Variants in KIAA0232 observed in about 807,000 individuals in gnomAD.
The protein encoded by KIAA0232 is KIAA0232.
A neutral mutation model predicts 122.0 loss-of-function variants in KIAA0232; 27 were observed. The ratio of observed to expected loss-of-function variants is 0.22; its 90% CI spans 0.16 to 0.31. KIAA0232 has a LOEUF of 0.31. Among genes scored for constraint, KIAA0232 ranks in the 10% least tolerant of loss-of-function variants. The pLI is 1.00. For synonymous variants in KIAA0232, 613 were observed against 587.6 expected, an observed-to-expected ratio of 1.04 and a Z score of -0.63; for missense variants, 1,551 against 1,634.2, an observed-to-expected ratio of 0.95 and a Z score of 0.88.
At chr4:6,798,425 C>A (rs944380716) in intron 1 of KIAA0232, among the ~76,000 whole-genome samples, 1 of 152,208 alleles carries the variant, frequency 6.6e-6, no homozygotes, top group African/African-American at 2.4e-5. Context: ...CCCACCTTAA[C>A]CTGTGTAGTG....
Position 6,858,639 on chromosome 4 carries a change from C to G in KIAA0232, c.518+133C>G, listed in dbSNP as rs7670487. 2,215 of 591,112 alleles carry G rather than the reference C, an allele frequency of 3.7e-3. 45 individuals carry two copies. The African/African-American group carries it at 0.038, about 10-fold the overall frequency. The allele number at this position is 591,112 out of a possible 1,614,324, so 36.6% of individuals were successfully genotyped here. A position where few individuals can be genotyped will look rare whatever the true frequency, so the allele number is the denominator to read the frequency against. On this transcript the variant is annotated intron_variant, in intron 6 of 9. Coordinates refer to ENST00000307659, the MANE Select transcript of KIAA0232 (RefSeq NM_014743.3). ...TATAATGTAAGAAACATTTATCGAG[C>G]GCTTATATGCTTGACACTGAGAATT...
At chr4:6,788,154 C>T (rs1448218951) in intron 1 of KIAA0232, among the ~76,000 whole-genome samples, 2 of 152,134 alleles carry the variant, frequency 1.3e-5, no homozygotes, top group Non-Finnish European at 2.9e-5. Flanking sequence ...CCTTGGCCTC[C>T]TGAGTAGCTG....
chr4:6,836,752 T>A (rs1329310426), intron 3 of KIAA0232, among the ~76,000 whole-genome samples: 3 of 152,054 alleles, frequency 2.0e-5, no homozygotes, highest in African/African-American at 7.2e-5. Flanking sequence ...TGATGACTCT[T>A]AAGGAGCATG....
chr4:6,819,834 A>C (rs1304280379), intron 2 of KIAA0232, among the ~76,000 whole-genome samples: 1 of 152,192 alleles, frequency 6.6e-6, no homozygotes, highest in African/African-American at 2.4e-5. Context: ...TAGCAAAGAT[A>C]CGGAATCAAC....
intron 3 of KIAA0232, among the ~76,000 whole-genome samples, chr4:6,839,963 T>C (rs940910667): frequency 6.6e-6 from 1 of 152,188 alleles, no homozygotes; most frequent in Non-Finnish European, 1.5e-5. Context: ...AATATATCAG[T>C]GGATTTATTA....
intron 2 of KIAA0232, among the ~76,000 whole-genome samples, chr4:6,823,033 G>T (rs971752639): frequency 5.0e-4 from 75 of 150,206 alleles, no homozygotes; most frequent in African/African-American, 1.6e-3. Flanking sequence ...GTGGTGTTTG[G>T]TTTTTTGTTC....
intron 4 of KIAA0232, among the ~76,000 whole-genome samples, chr4:6,851,377 A>T (rs1030416785): frequency 6.6e-6 from 1 of 152,232 alleles, no homozygotes; most frequent in Non-Finnish European, 1.5e-5. Flanking sequence ...CCATCTCCAT[A>T]TGAAAGTAAG....
chr4:6,851,674 C>G (rs943026736), intron 4 of KIAA0232, among the ~76,000 whole-genome samples: 8 of 146,526 alleles, frequency 5.5e-5, no homozygotes, highest in Non-Finnish European at 1.0e-4. Flanking sequence ...TGTGATCATA[C>G]CACTGCACTC....
intron 2 of KIAA0232, among the ~76,000 whole-genome samples, chr4:6,817,165 G>A (rs2109001740): frequency 6.6e-6 from 1 of 152,224 alleles, no homozygotes; most frequent in Admixed American, 6.5e-5. Flanking sequence ...TTCTAATGTA[G>A]ACAGTGCTCT....
intron 2 of KIAA0232, among the ~76,000 whole-genome samples, chr4:6,817,716 A>G (rs1718202991): frequency 6.6e-6 from 1 of 152,130 alleles, no homozygotes; most frequent in Non-Finnish European, 1.5e-5. Context: ...TTCTCTCTAT[A>G]TCCTTACTGG....
In KIAA0232 at chr4:6,861,507, A is replaced by T. The variant is rs1457759448; in HGVS notation, c.1125A>T (p.Arg375Ser). ...RGKRPLKEIG[R>S]KDPGSTEGKD... ...AGAGACCTTTAAAAGAAATAGGGAG[A>T]AAAGATCCTGGGAGCACTGAAGGAA... is the stretch of plus-strand genomic sequence containing the variant. The change falls in exon 7 of 10, where the codon AGA (arginine) becomes AGT (serine). Residue 375 changes from arginine to serine, a missense_variant. Arg to Ser is a moderately radical substitution (Grantham distance 110). Transcript: ENST00000307659. The T allele has an allele frequency of 6.2e-7, 1 of 1,614,144 alleles. No individual in the cohort carries two copies. Among genetic ancestry groups the T allele is most frequent in the Non-Finnish European group, 8.5e-7 (1 of 1,180,034 alleles).
rs1722054831 is a variant in KIAA0232 at position 6,881,139 on chromosome 4, C to T, written c.*173C>T. 1.7e-5 allele frequency: 8 copies of T among 475,746 alleles called. No homozygotes were observed. Among genetic ancestry groups the T allele is most frequent in the Non-Finnish European group, 2.8e-5 (8 of 287,254 alleles). 29.5% of individuals were successfully genotyped at this position (475,746 alleles called of 1,614,324 possible). A position where few individuals can be genotyped will look rare whatever the true frequency, so the allele number is the denominator to read the frequency against. On this transcript the variant is annotated 3_prime_UTR_variant, in exon 10 of 10. Transcript: ENST00000307659. ...TTATTTTAGAGTTGAGGACAGCTATCCTGTTAAAGATTTTTTTTCCCAGCT... is the reference window on the plus strand; with the variant it reads ...TTATTTTAGAGTTGAGGACAGCTATTCTGTTAAAGATTTTTTTTCCCAGCT...
chr4:6,866,509 G>C (rs1354845737), intron 7 of KIAA0232, among the ~76,000 whole-genome samples: 7 of 152,186 alleles, frequency 4.6e-5, no homozygotes, highest in Non-Finnish European at 1.0e-4. Context: ...ACTAGAACCT[G>C]TATCTTTCTG....
chr4:6,835,888 T>A lies in KIAA0232; in HGVS notation c.232-6179T>A, dbSNP rs562747961. ...TATTATTGATGGACATTTGGGTTGG[T>A]TCCATGTCTTTGCTATTGTGAATAG... On this transcript the variant is annotated intron_variant, in intron 3 of 9. Coordinates refer to ENST00000307659, the MANE Select transcript of KIAA0232 (RefSeq NM_014743.3). 1.1e-4 allele frequency among the ~76,000 whole-genome samples: 16 copies of A among 151,708 alleles called. No individual in the cohort carries two copies. In the East Asian group the frequency reaches 3.1e-3, roughly 29 times the overall value.
chr4:6,864,737 C>CAAA (rs59573520), intron 7 of KIAA0232, among the ~76,000 whole-genome samples: 20,478 of 69,862 alleles, frequency 0.29, 3,879 homozygotes, highest in Non-Finnish European at 0.4. Context: ...GACTCCATCT[C>CAAA]AAAAAAAAAA....
intron 3 of KIAA0232, among the ~76,000 whole-genome samples, chr4:6,840,420 G>C (rs148601327): frequency 6.6e-6 from 1 of 152,166 alleles, no homozygotes; most frequent in Admixed American, 6.5e-5. Flanking sequence ...GTGAGGCAGG[G>C]GCGTATGCTC....
At chr4:6,792,687 T>TTG (rs1309979031) in intron 1 of KIAA0232, among the ~76,000 whole-genome samples, 115 of 124,084 alleles carry the variant, frequency 9.3e-4, no homozygotes, top group Admixed American at 1.7e-3. Flanking sequence ...TTAGGTTTTT[T>TTG]TTTTTTTGTT....
rs1173281370 is a variant in KIAA0232 at position 6,836,546 on chromosome 4, C to CT, written c.232-5507dup. Among the ~76,000 whole-genome samples the CT allele has an allele frequency of 9.7e-3, 794 of 82,072 alleles. 5 individuals carry two copies. The highest frequency in any genetic ancestry group is 0.024 in the Middle Eastern group (4 of 170). 53.8% of individuals were successfully genotyped at this position (82,072 alleles called of 152,430 possible). A position where few individuals can be genotyped will look rare whatever the true frequency, so the allele number is the denominator to read the frequency against. On this transcript the variant is annotated intron_variant, in intron 3 of 9. Coordinates refer to ENST00000307659, the MANE Select transcript of KIAA0232 (RefSeq NM_014743.3). ...CCTTTTTCTTTTTTTTTTTTCTTTT[C>CT]TTTTTTTTTTTTTTAGTATTTATTG...
chr4:6,863,023 T>C lies in KIAA0232; in HGVS notation c.2641T>C (p.Ser881Pro). The C allele has an allele frequency of 1.2e-6, 2 of 1,614,090 alleles. No homozygotes were observed. Among genetic ancestry groups the C allele is most frequent in the Non-Finnish European group, 1.7e-6 (2 of 1,179,998 alleles). The change falls in exon 7 of 10, where the codon TCA becomes CCA. Residue 881 changes from serine to proline, a missense_variant. Physicochemically the swap from Ser to Pro is moderately conservative, Grantham distance 74. Transcript: ENST00000307659. ...LQEPDKAVRR[S>P]EYHLWEGQKE... The stretch of plus-strand genomic sequence containing the variant: ...GGAGCCTGATAAGGCTGTGCGGAGG[T>C]CAGAGTACCATCTGTGGGAGGGACA...
Sources: allele counts gnomAD v4.1 joint callset (sites outside exome capture counted in the v4.1 genomes callset), GRCh38; gene constraint gnomAD v4.1.1; transcripts MANE v1.5; gene names NCBI Gene and HGNC (gene_info 2026-07-23, HGNC 2026-07-21).